The following IQGAP2 variants were observed in gnomAD, a reference collection of about 807,000 sequenced individuals.
IQGAP2 encodes ras GTPase-activating-like protein IQGAP2.
IQGAP2 carries 173 observed loss-of-function variants against 201.3 expected under a neutral mutation model. The ratio of observed to expected loss-of-function variants is 0.86; its 90% CI spans 0.76 to 0.98. The LOEUF (loss-of-function observed/expected upper bound fraction) is 0.98. IQGAP2 is among the 50% of genes least tolerant of loss of function. The pLI is 0.00. For missense variants in IQGAP2, 1,687 were observed against 1,864.8 expected, an observed-to-expected ratio of 0.90 and a Z score of 1.76; for synonymous variants, 675 against 673.9, an observed-to-expected ratio of 1.00 and a Z score of -0.03.
intron 5 of IQGAP2, among the ~76,000 whole-genome samples, chr5:76,588,468 A>G (rs908251266): frequency 1.3e-4 from 20 of 152,264 alleles, no homozygotes; most frequent in African/African-American, 4.8e-4. Flanking sequence ...TGTAAAACAA[A>G]TATTTCCTCA....
intron 5 of IQGAP2, among the ~76,000 whole-genome samples, chr5:76,581,575 T>C (rs1745852834): frequency 6.6e-6 from 1 of 152,204 alleles, no homozygotes; most frequent in African/African-American, 2.4e-5. Context: ...TGCCTTTCTG[T>C]CTTCCTAAAT....
chr5:76,550,898 GA>G (rs1196486672), intron 2 of IQGAP2, among the ~76,000 whole-genome samples: 1 of 152,196 alleles, frequency 6.6e-6, no homozygotes, highest in Non-Finnish European at 1.5e-5. Context: ...CGGCCGGGCA[GA>G]GGGGCTCCTC....
chr5:76,562,958 T>A (rs1744487620), intron 3 of IQGAP2, among the ~76,000 whole-genome samples: 1 of 152,224 alleles, frequency 6.6e-6, no homozygotes, highest in Non-Finnish European at 1.5e-5. Flanking sequence ...CTTTTCCATT[T>A]CATGTTTAAA....
intron 2 of IQGAP2, among the ~76,000 whole-genome samples, chr5:76,499,433 A>G (rs1757156792): frequency 6.6e-6 from 1 of 152,220 alleles, no homozygotes; most frequent in South Asian, 2.1e-4. Context: ...CCATTCAGAA[A>G]TAAAACAACT....
intron 2 of IQGAP2, among the ~76,000 whole-genome samples, chr5:76,493,857 G>A (rs1017722301): frequency 1.3e-5 from 2 of 152,180 alleles, no homozygotes; most frequent in African/African-American, 4.8e-5. Context: ...GAGAAAGAAA[G>A]GTTGATCCTG....
chr5:76,593,348 GTTGT>G (rs3839249), intron 9 of IQGAP2, among the ~76,000 whole-genome samples: 49,297 of 151,754 alleles, frequency 0.32, 8,193 homozygotes, highest in South Asian at 0.59. Context: ...CCATTAGTCT[GTTGT>G]TTGTAAGATT....
At chr5:76,617,677 A>G in intron 13 of IQGAP2, 1 of 1,614,124 alleles carries the variant, frequency 6.2e-7, no homozygotes, top group Non-Finnish European at 8.5e-7. Context: ...CCCAGGCACA[A>G]AGCTATGAGA....
At chr5:76,595,800 A>G (rs916556459) in intron 9 of IQGAP2, among the ~76,000 whole-genome samples, 1 of 142,546 alleles carries the variant, frequency 7.0e-6, no homozygotes, top group East Asian at 2.0e-4. Context: ...GAGAGAGAGA[A>G]AACAGTGTTT....
At chr5:76,574,452 C>CA (rs1460126541) in intron 4 of IQGAP2, among the ~76,000 whole-genome samples, 2 of 151,956 alleles carry the variant, frequency 1.3e-5, no homozygotes, top group Non-Finnish European at 2.9e-5. Context: ...TACAGGCATG[C>CA]ACCACCACGC....
intron 2 of IQGAP2, among the ~76,000 whole-genome samples, chr5:76,506,882 GA>G (rs1316331266): frequency 1.3e-5 from 2 of 152,210 alleles, no homozygotes; most frequent in Non-Finnish European, 2.9e-5. Context: ...ATAAATGCAT[GA>G]AGAGATATTT....
chr5:76,641,070 G>A lies in IQGAP2; in HGVS notation c.2061G>A (p.Leu687=). ...REEFEARKSF[L]HEQEENVVKI... is the part of the protein sequence containing the mutation. ...AGTTTGAAGCTAGAAAATCATTTTT[G>A]CATGAACAAGAAGAGAATGTGGTCA... The change falls in exon 17 of 36, where the codon TTG becomes TTA. Residue 687 remains leucine (L), a synonymous_variant. Transcript: ENST00000274364. 6.2e-7 allele frequency: 1 copy of A among 1,607,280 alleles called. No individual in the cohort carries two copies. Among genetic ancestry groups the A allele is most frequent in the Non-Finnish European group, 8.5e-7 (1 of 1,174,568 alleles).
chr5:76,406,937 G>C (rs541842085), intron 1 of IQGAP2, among the ~76,000 whole-genome samples: 1 of 152,224 alleles, frequency 6.6e-6, no homozygotes, highest in South Asian at 2.1e-4. Context: ...AGCATGTTGT[G>C]GGGGCGGGGA....
chr5:76,543,739 T>A (rs1304255420), intron 2 of IQGAP2, among the ~76,000 whole-genome samples: 2 of 152,220 alleles, frequency 1.3e-5, no homozygotes, highest in African/African-American at 4.8e-5. Flanking sequence ...ACAGTTTGTT[T>A]CCTGGCTTCA....
chr5:76,409,849 T>C (rs1243182673), intron 1 of IQGAP2, among the ~76,000 whole-genome samples: 1 of 152,164 alleles, frequency 6.6e-6, no homozygotes, highest in Non-Finnish European at 1.5e-5. Flanking sequence ...TGAGATGCAG[T>C]GTGGTGCTGA....
In IQGAP2 at chr5:76,678,698, T is replaced by C. The variant is rs149074747; in HGVS notation, c.3660+1348T>C. Among the ~76,000 whole-genome samples the C allele has an allele frequency of 2.8e-3, 419 of 152,308 alleles. 1 individual carries two copies. Among genetic ancestry groups the C allele is most frequent in the African/African-American group, 9.6e-3 (399 of 41,566 alleles). On this transcript the variant is annotated intron_variant, in intron 28 of 35. Transcript: ENST00000274364. ...TAAGGATGCACCCAACTTTGGATTA[T>C]ACAGAGAACCAAAGGGAAAGCATAA...
At position 76,651,349 on chromosome 5, in the gene IQGAP2, C is replaced by T. The variant is rs142205916; in HGVS notation, c.2095-1401C>T. Among the ~76,000 whole-genome samples the T allele has an allele frequency of 4.1e-3, 619 of 152,282 alleles. 3 individuals carry two copies. The highest frequency in any genetic ancestry group is 0.014 in the African/African-American group (588 of 41,554). On this transcript the variant is annotated intron_variant, in intron 17 of 35. Transcript: ENST00000274364. Reference sequence around the variant, plus strand: ...GCCAGGCATGGCTAACACCTGTAATCCCAACACTTTGGGAGGCCAAGGTAG... The same window carrying T: ...GCCAGGCATGGCTAACACCTGTAATTCCAACACTTTGGGAGGCCAAGGTAG...
chr5:76,618,525 C>T (rs772121382), intron 13 of IQGAP2: 22 of 1,613,998 alleles, frequency 1.4e-5, no homozygotes, highest in South Asian at 5.5e-5. Flanking sequence ...AATCGTGGCT[C>T]CTGTCCAGCC....
Position 76,403,653 on chromosome 5 carries a change from C to T in IQGAP2, c.46+62C>T. ...TGGGGAGCTCCCTCCCCGAGGACGG[C>T]GTTGGAGAAGCCGAGGGAGCCGGTT... On this transcript the variant is annotated intron_variant, in intron 1 of 35. Transcript: ENST00000274364. This position sits in a 1 kb window ranked among gnomAD's most constrained non-coding sequence, Gnocchi z 4.8. 11 of 1,357,066 alleles carry T rather than the reference C, an allele frequency of 8.1e-6. No homozygotes were observed. Among genetic ancestry groups the T allele is most frequent in the Non-Finnish European group, 1.1e-5 (11 of 1,030,394 alleles). The allele number at this position is 1,357,066 out of a possible 1,614,324, so 84.1% of individuals were successfully genotyped here.
At chr5:76,678,423 A>G (rs1022764032) in intron 28 of IQGAP2, among the ~76,000 whole-genome samples, 8 of 151,458 alleles carry the variant, frequency 5.3e-5, no homozygotes, top group African/African-American at 2.0e-4. Context: ...AAACATTAAA[A>G]TTAAAAAAAA....
Sources: allele counts gnomAD v4.1 joint callset (sites outside exome capture counted in the v4.1 genomes callset), GRCh38; gene constraint gnomAD v4.1.1; non-coding constraint Gnocchi (gnomAD v3.1); transcripts MANE v1.5; gene names NCBI Gene and HGNC (gene_info 2026-07-23, HGNC 2026-07-21).